Variants in SLC1A3 observed in about 807,000 individuals in gnomAD.
SLC1A3 encodes the protein excitatory amino acid transporter 1.
A neutral mutation model predicts 48.1 loss-of-function variants in SLC1A3; 21 were observed. That is an observed-to-expected ratio of 0.44 (90% CI 0.31 to 0.63). The LOEUF (loss-of-function observed/expected upper bound fraction) is 0.63, where lower values mean the gene tolerates loss of function less well. SLC1A3 is among the 20% of genes least tolerant of loss of function. The pLI is 0.08. For synonymous variants in SLC1A3, 239 were observed against 251.4 expected, an observed-to-expected ratio of 0.95 and a Z score of 0.47; for missense variants, 546 against 689.0, an observed-to-expected ratio of 0.79 and a Z score of 2.32.
At chr5:36,647,676 C>A (rs1340236399) in intron 3 of SLC1A3, among the ~76,000 whole-genome samples, 2 of 152,134 alleles carry the variant, frequency 1.3e-5, no homozygotes, top group Non-Finnish European at 2.9e-5. Context: ...TTTAATCTTT[C>A]ATGGAAGGAG....
intron 2 of SLC1A3, among the ~76,000 whole-genome samples, chr5:36,611,278 A>C (rs1268500195): frequency 4.8e-4 from 34 of 71,528 alleles, no homozygotes; most frequent in African/African-American, 2.0e-3. Context: ...TATTGCTTTT[A>C]GTAAAAAAAA....
At chr5:36,630,669 T>G (rs1405595770) in intron 3 of SLC1A3, among the ~76,000 whole-genome samples, 2 of 152,192 alleles carry the variant, frequency 1.3e-5, no homozygotes, top group Non-Finnish European at 2.9e-5. Flanking sequence ...AACTTCATAG[T>G]ACAACTCAAA....
chr5:36,648,003 G>A (rs1466593346), intron 3 of SLC1A3, among the ~76,000 whole-genome samples: 1 of 152,156 alleles, frequency 6.6e-6, no homozygotes, highest in Non-Finnish European at 1.5e-5. Context: ...GGGTTAATGT[G>A]TAAGCCATTC....
At chr5:36,653,371 C>A (rs1741162459) in intron 3 of SLC1A3, among the ~76,000 whole-genome samples, 3 of 152,174 alleles carry the variant, frequency 2.0e-5, no homozygotes. Context: ...TGGCGGTGTT[C>A]ACATAAATAC....
intron 6 of SLC1A3, among the ~76,000 whole-genome samples, chr5:36,679,240 G>A (rs1033196216): frequency 2.6e-5 from 4 of 152,174 alleles, no homozygotes; most frequent in African/African-American, 9.7e-5. Flanking sequence ...GAGGCAGAGG[G>A]AGTGAGTGGC....
At chr5:36,664,803 TAGC>T (rs1321435130) in intron 3 of SLC1A3, among the ~76,000 whole-genome samples, 1 of 152,234 alleles carries the variant, frequency 6.6e-6, no homozygotes, top group African/African-American at 2.4e-5. Context: ...GATAGAGCTA[TAGC>T]AGTTACTTCT....
intron 3 of SLC1A3, among the ~76,000 whole-genome samples, chr5:36,648,875 A>G (rs1161450329): frequency 1.3e-5 from 2 of 152,214 alleles, no homozygotes; most frequent in Non-Finnish European, 2.9e-5. Flanking sequence ...GAAAAAAAAT[A>G]TAAAAGCAAA....
intron 3 of SLC1A3, among the ~76,000 whole-genome samples, chr5:36,659,320 G>A (rs1337250270): frequency 6.6e-6 from 1 of 152,180 alleles, no homozygotes; most frequent in Non-Finnish European, 1.5e-5. Context: ...GATAAAGGAG[G>A]TGAAGCACTC....
chr5:36,684,857 C>A (rs1490876681), intron 9 of SLC1A3, among the ~76,000 whole-genome samples: 3 of 152,162 alleles, frequency 2.0e-5, no homozygotes, highest in Non-Finnish European at 4.4e-5. Context: ...CTAGTTTCTA[C>A]CTCTGTAAAA....
Position 36,608,472 on chromosome 5 carries a change from A to C in SLC1A3, c.49A>C (p.Arg17=), listed in dbSNP as rs151121541. The change falls in exon 2 of 10, where the codon AGA becomes CGA. Residue 17 remains arginine, a synonymous_variant. Coordinates refer to ENST00000265113, the MANE Select transcript of SLC1A3 (RefSeq NM_004172.5). ...GCCCAAGATGGGGGGCAGGATGGAG[A>C]GATTCCAGCAGGGAGTCCGTAAACG... ...EEPKMGGRME[R]FQQGVRKRTL... The C allele has an allele frequency of 5.6e-6, 9 of 1,613,954 alleles. No individual in the cohort carries two copies. The African/African-American group carries it at 1.1e-4, about 19-fold the overall frequency.
intron 7 of SLC1A3, 113 bp from the exon 8 acceptor site, chr5:36,680,282 C>A: frequency 1.1e-6 from 1 of 883,860 alleles, no homozygotes; most frequent in Non-Finnish European, 1.8e-6. Flanking sequence ...GACTTAGTTC[C>A]CTTTAAGTTA....
In SLC1A3 at chr5:36,646,223, T is replaced by C. The variant is rs376365939; in HGVS notation, c.319+16636T>C. Among the ~76,000 whole-genome samples the C allele has an allele frequency of 2.3e-3, 350 of 152,292 alleles. 3 individuals carry two copies. The highest frequency in any genetic ancestry group is 0.01 in the Middle Eastern group (3 of 294). On this transcript the variant is annotated intron_variant, in intron 3 of 9. Coordinates refer to ENST00000265113, the MANE Select transcript of SLC1A3 (RefSeq NM_004172.5). ...TGCAACTGCCAAAGACAGGACAGAT[T>C]ATTGGTCTGACGAAGGACAATCTGG...
intron 3 of SLC1A3, among the ~76,000 whole-genome samples, chr5:36,644,203 T>C (rs1478944443): frequency 6.6e-6 from 1 of 151,472 alleles, no homozygotes; most frequent in African/African-American, 2.4e-5. Flanking sequence ...ATGTCGTTAG[T>C]AATACCTTTT....
intron 3 of SLC1A3, among the ~76,000 whole-genome samples, chr5:36,666,864 T>C (rs1340693234): frequency 6.6e-6 from 1 of 152,218 alleles, no homozygotes; most frequent in Non-Finnish European, 1.5e-5. Flanking sequence ...GGTGCATATT[T>C]GTTGTGACAA....
intron 1 of SLC1A3, among the ~76,000 whole-genome samples, chr5:36,600,969 T>C (rs574228670): frequency 6.6e-6 from 1 of 152,348 alleles, no homozygotes; most frequent in Admixed American, 6.5e-5. Context: ...CAAAACTGCA[T>C]TTTCTGTTGC....
At chr5:36,596,944 T>C (rs1244722598) in intron 1 of SLC1A3, among the ~76,000 whole-genome samples, 1 of 150,848 alleles carries the variant, frequency 6.6e-6, no homozygotes, top group Non-Finnish European at 1.5e-5. Context: ...TATCTTGGAA[T>C]ACGGAAGAAT....
chr5:36,686,351 C>A lies in SLC1A3; in HGVS notation c.*82C>A. 1 of 1,058,582 alleles carries A rather than the reference C, an allele frequency of 9.4e-7. No homozygotes were observed. Among genetic ancestry groups the A allele is most frequent in the Non-Finnish European group, 1.5e-6 (1 of 678,704 alleles). The allele number at this position is 1,058,582 out of a possible 1,614,324, so 65.6% of individuals were successfully genotyped here. ...TTTCCATCTCATTACAGCTCATTCG[C>A]TCCAGCAAGCCCGTCATCTTCCCTT... On this transcript the variant is annotated 3_prime_UTR_variant, in exon 10 of 10. Coordinates refer to ENST00000265113, the MANE Select transcript of SLC1A3 (RefSeq NM_004172.5).
intron 2 of SLC1A3, chr5:36,609,010 G>A: frequency 5.0e-6 from 5 of 997,284 alleles, no homozygotes; most frequent in Non-Finnish European, 6.0e-6. Flanking sequence ...ATGACATGTT[G>A]GTTCCAAATA....
At chr5:36,646,124 T>A (rs1489673510) in intron 3 of SLC1A3, among the ~76,000 whole-genome samples, 1 of 152,230 alleles carries the variant, frequency 6.6e-6, no homozygotes, top group Non-Finnish European at 1.5e-5. Context: ...AGCAAACCTA[T>A]ATCATTAAGG....
Sources: allele counts gnomAD v4.1 joint callset (sites outside exome capture counted in the v4.1 genomes callset), GRCh38; gene constraint gnomAD v4.1.1; transcripts MANE v1.5; gene names NCBI Gene and HGNC (gene_info 2026-07-23, HGNC 2026-07-21).